Variants in ZBTB21 observed in about 807,000 individuals in gnomAD.
The protein encoded by ZBTB21 is zinc finger and BTB domain-containing protein 21.
In ZBTB21, 10 loss-of-function variants were observed where a neutral mutation model predicts 39.8. The observed-to-expected ratio is 0.25, with a 90% CI of 0.16 to 0.43. ZBTB21 has a LOEUF of 0.43. ZBTB21 is among the 20% of genes least tolerant of loss of function. The pLI is 1.00. For synonymous variants in ZBTB21, 551 were observed against 498.8 expected (o/e 1.10, Z -1.40); for missense variants, 1,221 against 1,296.3 (o/e 0.94, Z 0.89).
intron 2 of ZBTB21, among the ~76,000 whole-genome samples, chr21:42,001,860 G>T (rs1473874786): frequency 1.3e-5 from 2 of 152,190 alleles, no homozygotes; most frequent in African/African-American, 4.8e-5. Context: ...TAAGTAACAT[G>T]CTCAATGTCA....
intron 1 of ZBTB21, among the ~76,000 whole-genome samples, chr21:42,004,463 A>G (rs1179563747): frequency 6.6e-6 from 1 of 152,190 alleles, no homozygotes; most frequent in African/African-American, 2.4e-5. Context: ...AGGAAAGCAA[A>G]GCGACTTGGC....
At chr21:42,008,988 T>C (rs763110535) in intron 1 of ZBTB21, among the ~76,000 whole-genome samples, 6 of 152,212 alleles carry the variant, frequency 3.9e-5, no homozygotes, top group Non-Finnish European at 7.3e-5. Context: ...ACCCACTTTC[T>C]TGTCTTCTTA....
chr21:41,997,930 A>G (rs56925375), intron 2 of ZBTB21, among the ~76,000 whole-genome samples: 3,000 of 151,250 alleles, frequency 0.02, 97 homozygotes, highest in African/African-American at 0.07. Flanking sequence ...CAGATCCCTC[A>G]CCTGAGTTAG....
chr21:41,992,022 G>T lies in ZBTB21; in HGVS notation c.2074C>A (p.His692Asn). 2.5e-6 allele frequency: 4 copies of T among 1,614,230 alleles called. No homozygotes were observed. Among genetic ancestry groups the T allele is most frequent in the Non-Finnish European group, 3.4e-6 (4 of 1,180,040 alleles). Residue 692 changes from histidine (H) to asparagine (N), a missense_variant, in exon 3 of 3, where the codon CAT becomes AAT. Coordinates refer to ENST00000310826, the MANE Select transcript of ZBTB21 (RefSeq NM_001098402.2). This position sits in a 1 kb window ranked among gnomAD's most constrained non-coding sequence, Gnocchi z 4.1. ...LSQFKQHIKMHPGEKPLGVNK... is the reference protein window; with the variant it reads ...LSQFKQHIKMNPGEKPLGVNK... ...ACTCCAAGGGGTTTTTCTCCTGGAT[G>T]CATTTTTATATGCTGCTTAAATTGA...
At chr21:42,000,148 A>G (rs1276174154) in intron 2 of ZBTB21, among the ~76,000 whole-genome samples, 1 of 152,210 alleles carries the variant, frequency 6.6e-6, no homozygotes, top group Non-Finnish European at 1.5e-5. Context: ...GAAGGTGTGG[A>G]GTTAAGTATT....
chr21:41,993,513 T>C lies in ZBTB21; in HGVS notation c.583A>G (p.Ile195Val), dbSNP rs1309114463. The change falls in exon 3 of 3, where the codon ATA (isoleucine) becomes GTA (valine). Residue 195 changes from isoleucine to valine, a missense_variant. This residue lies in a region of ZBTB21 where 500 missense variants were observed against 465.6 expected (regional missense o/e 1.07). Transcript: ENST00000310826. ...NTNKPHVPKPIEPLHNLSLTE... is the reference protein window; with the variant it reads ...NTNKPHVPKPVEPLHNLSLTE... ...AATGACAAATTATGAAGTGGTTCTATTGGTTTTGGGACATGTGGCTTATTG... is the reference window on the plus strand; with the variant it reads ...AATGACAAATTATGAAGTGGTTCTACTGGTTTTGGGACATGTGGCTTATTG... 4 of 1,614,230 alleles carry C rather than the reference T, an allele frequency of 2.5e-6. No individual in the cohort carries two copies. The highest frequency in any genetic ancestry group is 1.3e-5 in the African/African-American group (1 of 75,072).
chr21:41,996,621 G>C (rs930190603), intron 2 of ZBTB21, among the ~76,000 whole-genome samples: 69 of 152,336 alleles, frequency 4.5e-4, no homozygotes, highest in African/African-American at 1.5e-3. Context: ...AGTTAATGCT[G>C]AAATTAGTTA....
chr21:42,006,662 T>C (rs1337920101), intron 1 of ZBTB21, among the ~76,000 whole-genome samples: 2 of 152,032 alleles, frequency 1.3e-5, no homozygotes, highest in Non-Finnish European at 2.9e-5. Context: ...CCATTATGGG[T>C]TGAATTGTGT....
intron 2 of ZBTB21, among the ~76,000 whole-genome samples, chr21:41,997,620 G>A: frequency 6.6e-6 from 1 of 150,712 alleles, no homozygotes. Context: ...AAAAAGATTA[G>A]AAGTGTTGAA....
Position 41,993,325 on chromosome 21 carries a change from A to C in ZBTB21, c.771T>G (p.Gly257=), listed in dbSNP as rs1481186347. 2 of 1,613,498 alleles carry C rather than the reference A, an allele frequency of 1.2e-6. No homozygotes were observed. Residue 257 remains glycine (G), a synonymous_variant, in exon 3 of 3, where the codon GGT becomes GGG. Transcript: ENST00000310826. ...TTCCTTTTGGAAGCTGACCACTCAC[A>C]CCTGGTTTATCATCCATAGCTTCTC... ...QDREAMDDKP[G]VSGQLPKGKA... is the part of the protein sequence containing the mutation.
At chr21:41,997,314 G>T (rs963159474) in intron 2 of ZBTB21, among the ~76,000 whole-genome samples, 2 of 152,092 alleles carry the variant, frequency 1.3e-5, no homozygotes, top group African/African-American at 4.8e-5. Flanking sequence ...GGTGGCTCAC[G>T]CTTGTAATCC....
chr21:42,010,330 C>T lies in ZBTB21; in HGVS notation c.-157G>A, dbSNP rs546968076. ...GCGCGCGCCGCAGCCGCCGCTGCCG[C>T]TGTGATTCCATCCATCTTGAATTTG... is the stretch of plus-strand genomic sequence containing the variant. On this transcript the variant is annotated 5_prime_UTR_variant, in exon 1 of 3. Transcript: ENST00000310826. 13 of 391,310 alleles carry T rather than the reference C, an allele frequency of 3.3e-5. No homozygotes were observed. Among genetic ancestry groups the T allele is most frequent in the East Asian group, 7.4e-5 (2 of 27,040 alleles). The allele number at this position is 391,310 out of a possible 1,614,324, so 24.2% of individuals were successfully genotyped here. A position where few individuals can be genotyped will look rare whatever the true frequency, so the allele number is the denominator to read the frequency against.
At chr21:41,999,743 A>G (rs1338652164) in intron 2 of ZBTB21, among the ~76,000 whole-genome samples, 4 of 152,226 alleles carry the variant, frequency 2.6e-5, no homozygotes, top group Admixed American at 1.3e-4. Flanking sequence ...GAAGAACATC[A>G]CAACAAAGGG....
At chr21:42,008,437 GAACCAGGGAGGCGGAGGTTGCAA>G (rs1361126234) in intron 1 of ZBTB21, among the ~76,000 whole-genome samples, 41 of 145,718 alleles carry the variant, frequency 2.8e-4, no homozygotes, top group Admixed American at 2.1e-4. Context: ...AGAATCGCTT[GAACCAGGGAGGCGGAGGTTGCAA>G]AACCAGGGAG....
At position 41,991,101 on chromosome 21, in the gene ZBTB21, G is replaced by A. The variant is rs763362990; in HGVS notation, c.2995C>T (p.Leu999=). The A allele has an allele frequency of 4.3e-6, 7 of 1,612,962 alleles. No individual in the cohort carries two copies. The South Asian group carries it at 6.6e-5, about 15-fold the overall frequency. ...PPPPLPKIQP[L]EPDSPTGLSE... ...AGGCCTGTGGGGCTGTCAGGCTCCA[G>A]AGGCTGGATCTTGGGCAGTGGTGGT... Residue 999 remains leucine, a synonymous_variant, in exon 3 of 3, where the codon CTG becomes TTG. Transcript: ENST00000310826. The surrounding 1 kb of genome is among the most constrained non-coding windows in gnomAD (Gnocchi z 4.9).
At chr21:42,009,816 GGCC>G (rs1408555699) in intron 1 of ZBTB21, among the ~76,000 whole-genome samples, 2 of 152,160 alleles carry the variant, frequency 1.3e-5, no homozygotes, top group East Asian at 3.9e-4. Flanking sequence ...CCGCGGCCCG[GGCC>G]GCCGGCCCCC....
In ZBTB21 at chr21:41,992,732, G is replaced by A. The variant is rs1481717171; in HGVS notation, c.1364C>T (p.Ala455Val). 3 of 1,614,086 alleles carry A rather than the reference G, an allele frequency of 1.9e-6. No individual in the cohort carries two copies. The highest frequency in any genetic ancestry group is 2.2e-5 in the East Asian group (1 of 44,900). Residue 455 changes from alanine (A) to valine (V), a missense_variant, in exon 3 of 3, where the codon GCA (alanine) becomes GTA (valine). Ala to Val is a moderately conservative substitution (Grantham distance 64). Around this residue, in one of 4 missense-constraint regions of ZBTB21, gnomAD observed 500 missense variants for 465.6 expected, o/e 1.07. Transcript: ENST00000310826. This position sits in a 1 kb window ranked among gnomAD's most constrained non-coding sequence, Gnocchi z 4.1. ...TGTGACCGACGAAGATGAGGCAGCT[G>A]CTGTTGTTGCCGCATCTCCCACAGT... ...RVTVGDAATT[A>V]AASSSSVTRD...
In ZBTB21 at chr21:41,991,639, A is replaced by G. The variant is rs2065657945; in HGVS notation, c.2457T>C (p.Asp819=). ...ATTGGGGCCTTGAAGAACCAGTCAC[A>G]TCACCATTGTGGTCCAAAACGGGCA... ...FSLPVLDHNG[D]VTGSSRPQSQ... The change falls in exon 3 of 3, where the codon GAT becomes GAC. Residue 819 remains aspartate (D), a synonymous_variant. Coordinates refer to ENST00000310826, the MANE Select transcript of ZBTB21 (RefSeq NM_001098402.2). This position sits in a 1 kb window ranked among gnomAD's most constrained non-coding sequence, Gnocchi z 4.9. 1.9e-6 allele frequency: 3 copies of G among 1,614,046 alleles called. No individual in the cohort carries two copies. The South Asian group carries it at 3.3e-5, about 18-fold the overall frequency.
intron 1 of ZBTB21, among the ~76,000 whole-genome samples, chr21:42,004,514 C>T (rs2065855763): frequency 6.6e-6 from 1 of 151,994 alleles, no homozygotes; most frequent in Non-Finnish European, 1.5e-5. Flanking sequence ...GGGTGAGAAA[C>T]AGAGATGGAA....
Sources: allele counts gnomAD v4.1 joint callset (sites outside exome capture counted in the v4.1 genomes callset), GRCh38; gene constraint gnomAD v4.1.1; regional missense constraint gnomAD v4.1.1; non-coding constraint Gnocchi (gnomAD v3.1); transcripts MANE v1.5; gene names NCBI Gene and HGNC (gene_info 2026-07-23, HGNC 2026-07-21).